CAMK1D: variants seen among roughly 807,000 people sequenced by gnomAD.
CAMK1D encodes the protein calcium/calmodulin dependent protein kinase ID.
CAMK1D carries 9 observed loss-of-function variants against 47.7 expected under a neutral mutation model. The ratio of observed to expected loss-of-function variants is 0.19; its 90% confidence interval spans 0.11 to 0.33. CAMK1D has a LOEUF of 0.33. Ranked by LOEUF, CAMK1D falls within the 10% of genes least tolerant of loss-of-function variation. CAMK1D has a pLI of 1.00. For missense variants in CAMK1D, 291 were observed against 488.7 expected, an observed-to-expected ratio of 0.60 and a Z score of 3.81; for synonymous variants, 184 against 184.9, an observed-to-expected ratio of 0.99 and a Z score of 0.04.
At chr10:12,356,875 C>T (rs945999384) in intron 1 of CAMK1D, among the ~76,000 whole-genome samples, 15 of 152,050 alleles carry the variant, frequency 9.9e-5, no homozygotes, top group Non-Finnish European at 2.2e-4. Flanking sequence ...ATTTCTGGTT[C>T]GAACTTGGCC....
chr10:12,574,858 G>A (rs765817331), intron 2 of CAMK1D, among the ~76,000 whole-genome samples: 51 of 152,058 alleles, frequency 3.4e-4, no homozygotes, highest in Admixed American at 4.6e-4. Context: ...AGCAGGAGCC[G>A]GAGCGTGAGT....
intron 1 of CAMK1D, among the ~76,000 whole-genome samples, chr10:12,467,217 A>T (rs532586322): frequency 6.6e-6 from 1 of 151,538 alleles, no homozygotes; most frequent in Middle Eastern, 3.4e-3. Flanking sequence ...CAGTGGCGCG[A>T]TCTCAGTTCA....
intron 1 of CAMK1D, among the ~76,000 whole-genome samples, chr10:12,357,869 T>G (rs1174438526): frequency 6.6e-6 from 1 of 151,868 alleles, no homozygotes; most frequent in African/African-American, 2.4e-5. Context: ...CTCACTTGAT[T>G]TTCTTTTCTT....
chr10:12,648,802 C>T (rs1839880898), intron 2 of CAMK1D, among the ~76,000 whole-genome samples: 1 of 152,124 alleles, frequency 6.6e-6, no homozygotes, highest in African/African-American at 2.4e-5. Flanking sequence ...CTTCAAAGAT[C>T]CTTTTTTAGT....
chr10:12,587,932 C>G (rs1216846301), intron 2 of CAMK1D, among the ~76,000 whole-genome samples: 2 of 151,214 alleles, frequency 1.3e-5, no homozygotes, highest in Non-Finnish European at 2.9e-5. Context: ...CCTTCAAGCT[C>G]TTTTAAATAG....
At chr10:12,406,225 G>A (rs190347996) in intron 1 of CAMK1D, among the ~76,000 whole-genome samples, 2 of 152,186 alleles carry the variant, frequency 1.3e-5, no homozygotes, top group Admixed American at 6.5e-5. Context: ...CTCCTACCCC[G>A]TGGAAGTTTG....
At chr10:12,703,868 CAAAAA>C (rs766290620) in intron 3 of CAMK1D, among the ~76,000 whole-genome samples, 9 of 67,572 alleles carry the variant, frequency 1.3e-4, no homozygotes, top group African/African-American at 4.3e-4. Context: ...GACTCCGTCT[CAAAAA>C]AAAAAAAAAA....
At chr10:12,490,645 A>G (rs904686619) in intron 1 of CAMK1D, among the ~76,000 whole-genome samples, 2 of 152,218 alleles carry the variant, frequency 1.3e-5, no homozygotes, top group Non-Finnish European at 2.9e-5. Flanking sequence ...GGTCAGTTCA[A>G]GACCAGCCTG....
chr10:12,725,216 AG>A (rs1834568713), intron 3 of CAMK1D: 2 of 154,146 alleles, frequency 1.3e-5, no homozygotes, highest in African/African-American at 4.8e-5. Context: ...GCTCTTTGTC[AG>A]CCATGGAAAT....
rs1197360285 is a variant in CAMK1D at position 12,694,333 on chromosome 10, T to A, written c.299+27523T>A. Among the ~76,000 whole-genome samples, 9 of 89,356 alleles carry A rather than the reference T, an allele frequency of 1.0e-4. 1 individual carries two copies. The Admixed American group carries it at 1.2e-3, about 12-fold the overall frequency. The allele number at this position is 89,356 out of a possible 152,430, so 58.6% of individuals were successfully genotyped here. A position where few individuals can be genotyped will look rare whatever the true frequency, so the allele number is the denominator to read the frequency against. On this transcript the variant is annotated intron_variant, in intron 3 of 10. Coordinates refer to ENST00000619168, the MANE Select transcript of CAMK1D (RefSeq NM_153498.4). ...TATATAAAATATAATATATAAAGTA[T>A]ATATAATATATAACATATATATGTT...
chr10:12,547,071 G>C (rs1836401146), intron 1 of CAMK1D, among the ~76,000 whole-genome samples: 1 of 152,212 alleles, frequency 6.6e-6, no homozygotes, highest in Non-Finnish European at 1.5e-5. Context: ...TAGAAAGAAG[G>C]AAAGGTTGCA....
intron 3 of CAMK1D, among the ~76,000 whole-genome samples, chr10:12,747,655 T>G (rs975880716): frequency 2.0e-5 from 3 of 152,134 alleles, no homozygotes; most frequent in Admixed American, 6.6e-5. Context: ...TATAAACAAT[T>G]GACTTACATG....
At chr10:12,766,641 C>T (rs1564546136) in intron 4 of CAMK1D, among the ~76,000 whole-genome samples, 2 of 152,026 alleles carry the variant, frequency 1.3e-5, no homozygotes, top group African/African-American at 2.4e-5. Flanking sequence ...GAAGCCTTGC[C>T]GAGGACTCTT....
intron 3 of CAMK1D, among the ~76,000 whole-genome samples, chr10:12,726,146 C>T (rs1310213844): frequency 6.6e-6 from 1 of 151,902 alleles, no homozygotes; most frequent in East Asian, 2.0e-4. Flanking sequence ...GAATACTGGG[C>T]CGGGTGCAGT....
chr10:12,377,459 C>T (rs1375849982), intron 1 of CAMK1D, among the ~76,000 whole-genome samples: 3 of 152,178 alleles, frequency 2.0e-5, no homozygotes, highest in Non-Finnish European at 4.4e-5. Flanking sequence ...AACAGATATT[C>T]TTTGACTTGA....
intron 2 of CAMK1D, among the ~76,000 whole-genome samples, chr10:12,619,288 A>G (rs1277970131): frequency 2.0e-5 from 3 of 151,944 alleles, no homozygotes; most frequent in South Asian, 2.1e-4. Flanking sequence ...AAATTCACAT[A>G]GAGCTGGATT....
At position 12,787,963 on chromosome 10, in the gene CAMK1D, G is replaced by T. The variant is rs555077216; in HGVS notation, c.566-3195G>T. Among the ~76,000 whole-genome samples, 6 of 152,174 alleles carry T rather than the reference G, an allele frequency of 3.9e-5. No homozygotes were observed. In the South Asian group the frequency reaches 1.2e-3, roughly 32 times the overall value. ...TGCAGTGAGCTGAGATTGTGCCGCT[G>T]CACTCCATCTCCAAAAAAAAAATTA... On this transcript the variant is annotated intron_variant, in intron 5 of 10. Transcript: ENST00000619168.
Position 12,576,626 on chromosome 10 carries a change from C to T in CAMK1D, c.224+23270C>T, listed in dbSNP as rs145266119. Reference sequence around the variant, plus strand: ...AGGCATTAGATTTTCATAAGGAACACACAACCTAGGTTCCTTGCATACACA... The same window carrying T: ...AGGCATTAGATTTTCATAAGGAACATACAACCTAGGTTCCTTGCATACACA... On this transcript the variant is annotated intron_variant, in intron 2 of 10. Transcript: ENST00000619168. Among the ~76,000 whole-genome samples the T allele has an allele frequency of 4.2e-3, 643 of 152,228 alleles. 17 individuals carry two copies. The East Asian group carries it at 0.077, about 18-fold the overall frequency.
In CAMK1D at chr10:12,734,401, T is replaced by G. The variant is rs1018047161; in HGVS notation, c.300-26547T>G. Among the ~76,000 whole-genome samples, 77 of 31,190 alleles carry G rather than the reference T, an allele frequency of 2.5e-3. 1 individual carries two copies. The highest frequency in any genetic ancestry group is 0.018 in the Middle Eastern group (1 of 56). 20.5% of individuals were successfully genotyped at this position (31,190 alleles called of 152,430 possible). On this transcript the variant is annotated intron_variant, in intron 3 of 10. Transcript: ENST00000619168. ...ATAGATATAGATATAGATATATATA[T>G]ATATACACACACACACACATGTATA...
Sources: gnomAD v4.1 joint callset for allele counts (sites outside exome capture counted in the v4.1 genomes callset) on GRCh38, gnomAD v4.1.1 for gene constraint, MANE v1.5 for transcripts, NCBI Gene and HGNC (gene_info 2026-07-23, HGNC 2026-07-21) for gene names.